SLC2A13: variants seen among roughly 807,000 people sequenced by gnomAD.
The protein encoded by SLC2A13 is solute carrier family 2 member 13, also known as proton myo-inositol cotransporter.
Under a neutral mutation model 64.4 loss-of-function variants are expected in SLC2A13, and 32 were observed. The observed-to-expected ratio is 0.50, with a 90% CI of 0.37 to 0.67. SLC2A13 has a LOEUF of 0.67. SLC2A13 is among the 30% of genes least tolerant of loss of function. SLC2A13 has a pLI of 0.00. For missense variants in SLC2A13, 743 were observed against 829.2 expected (o/e 0.90, Z 1.28); for synonymous variants, 338 against 327.1 (o/e 1.03, Z -0.36).
At chr12:39,783,086 G>A (rs564918046) in intron 7 of SLC2A13, among the ~76,000 whole-genome samples, 2 of 152,110 alleles carry the variant, frequency 1.3e-5, no homozygotes, top group African/African-American at 4.8e-5. Flanking sequence ...TGTTCTCATC[G>A]TTCAAGTCCC....
intron 7 of SLC2A13, among the ~76,000 whole-genome samples, chr12:39,782,050 G>C (rs983578332): frequency 6.6e-6 from 1 of 152,172 alleles, no homozygotes; most frequent in African/African-American, 2.4e-5. Context: ...GTACTTGGTG[G>C]GGTCGAGGTA....
chr12:39,797,991 T>C (rs1298217718), intron 7 of SLC2A13, among the ~76,000 whole-genome samples: 1 of 152,190 alleles, frequency 6.6e-6, no homozygotes, highest in African/African-American at 2.4e-5. Context: ...GTGTAACCAA[T>C]TTGATATTAT....
chr12:39,841,435 C>T (rs1342150164), intron 6 of SLC2A13, among the ~76,000 whole-genome samples: 1 of 152,058 alleles, frequency 6.6e-6, no homozygotes, highest in Non-Finnish European at 1.5e-5. Flanking sequence ...TTTGCCAAAT[C>T]TGTCAACTCC....
intron 1 of SLC2A13, among the ~76,000 whole-genome samples, chr12:40,089,116 TGAAA>T (rs1938681740): frequency 6.6e-6 from 1 of 152,190 alleles, no homozygotes; most frequent in Non-Finnish European, 1.5e-5. Context: ...AATGAATCAC[TGAAA>T]GAGTCAGGAG....
At chr12:40,059,916 G>A (rs1948390849) in intron 1 of SLC2A13, among the ~76,000 whole-genome samples, 1 of 152,088 alleles carries the variant, frequency 6.6e-6, no homozygotes, top group Non-Finnish European at 1.5e-5. Context: ...TCCTGTCTTG[G>A]ACAGTGAAAG....
At chr12:40,076,383 TCTTA>T (rs1302961969) in intron 1 of SLC2A13, among the ~76,000 whole-genome samples, 1 of 152,172 alleles carries the variant, frequency 6.6e-6, no homozygotes, top group Non-Finnish European at 1.5e-5. Flanking sequence ...AGTGTTTAGC[TCTTA>T]CTTATAAGTG....
At chr12:39,994,825 A>G (rs1007736113) in intron 3 of SLC2A13, among the ~76,000 whole-genome samples, 1 of 152,240 alleles carries the variant, frequency 6.6e-6, no homozygotes, top group Non-Finnish European at 1.5e-5. Context: ...TGAGAGGATG[A>G]GATAGTGCAT....
rs368402353 is a variant in SLC2A13, at chr12:39,981,424, G to A, written c.926-30059C>T. On this transcript the variant is annotated intron_variant, in intron 3 of 9. Transcript: ENST00000280871. ...AAAGGATCAACAAAATTGATAGACCGCTAGCAAGACTAATAAAGAAAAAAA... is the reference window on the plus strand; with the variant it reads ...AAAGGATCAACAAAATTGATAGACCACTAGCAAGACTAATAAAGAAAAAAA... Among the ~76,000 whole-genome samples, 7 of 151,618 alleles carry A rather than the reference G, an allele frequency of 4.6e-5. No homozygotes were observed. In the East Asian group the frequency reaches 5.8e-4, roughly 13 times the overall value.
intron 1 of SLC2A13, among the ~76,000 whole-genome samples, chr12:40,103,150 T>C (rs1939200444): frequency 6.6e-6 from 1 of 152,194 alleles, no homozygotes; most frequent in South Asian, 2.1e-4. Flanking sequence ...CAGAGAGGCC[T>C]CCACAGCTCT....
chr12:39,785,675 C>T (rs1368183166), intron 7 of SLC2A13, among the ~76,000 whole-genome samples: 2 of 152,178 alleles, frequency 1.3e-5, no homozygotes, highest in Non-Finnish European at 2.9e-5. Flanking sequence ...ACACTCAACG[C>T]CAGCCCGTGA....
Position 39,807,112 on chromosome 12 carries a change from G to A in SLC2A13, c.1445+22991C>T, listed in dbSNP as rs375409407. Among the ~76,000 whole-genome samples the A allele has an allele frequency of 1.3e-3, 196 of 148,798 alleles. 2 individuals carry two copies. The highest frequency in any genetic ancestry group is 4.7e-3 in the African/African-American group (180 of 38,302). On this transcript the variant is annotated intron_variant, in intron 7 of 9. Transcript: ENST00000280871. ...TGCAACACATTAGGTTGGTGGAAAAGTAATTACAGTTTTCGCCACTGAAAG... is the reference window on the plus strand; with the variant it reads ...TGCAACACATTAGGTTGGTGGAAAAATAATTACAGTTTTCGCCACTGAAAG...
intron 1 of SLC2A13, among the ~76,000 whole-genome samples, chr12:40,052,097 T>C (rs990288279): frequency 5.7e-4 from 86 of 152,070 alleles, no homozygotes; most frequent in East Asian, 5.8e-4. Context: ...AAAAAGCAAC[T>C]AGGAGCATGA....
chr12:40,039,859 G>A (rs917419297), intron 2 of SLC2A13, among the ~76,000 whole-genome samples: 1 of 152,114 alleles, frequency 6.6e-6, no homozygotes, highest in South Asian at 2.1e-4. Flanking sequence ...TTCACTCTTG[G>A]TGCTATATAG....
chr12:39,873,165 C>G (rs1944098479), intron 4 of SLC2A13, among the ~76,000 whole-genome samples: 1 of 152,004 alleles, frequency 6.6e-6, no homozygotes, highest in Non-Finnish European at 1.5e-5. Flanking sequence ...AATTAATAAA[C>G]CAAACCTATA....
intron 4 of SLC2A13, among the ~76,000 whole-genome samples, chr12:39,911,337 CTATTTTAAGTT>C (rs1387088831): frequency 2.0e-5 from 3 of 152,032 alleles, no homozygotes; most frequent in Non-Finnish European, 4.4e-5. Flanking sequence ...TCACTTAAGA[CTATTTTAAGTT>C]CAACTATTTT....
chr12:39,896,542 A>G lies in SLC2A13; in HGVS notation c.1035-24581T>C, dbSNP rs530695328. Reference sequence around the variant, plus strand: ...TATACATGTATACATGTATGTATGTATGTGTGTATACATGTATACATATAT... The same window carrying G: ...TATACATGTATACATGTATGTATGTGTGTGTGTATACATGTATACATATAT... On this transcript the variant is annotated intron_variant, in intron 4 of 9. Transcript: ENST00000280871. 4.3e-4 allele frequency among the ~76,000 whole-genome samples: 62 copies of G among 142,688 alleles called. 1 individual carries two copies. Among genetic ancestry groups the G allele is most frequent in the East Asian group, 2.1e-3 (10 of 4,672 alleles). The allele number at this position is 142,688 out of a possible 152,430, so 93.6% of individuals were successfully genotyped here.
At chr12:39,970,115 T>C (rs1035637665) in intron 3 of SLC2A13, among the ~76,000 whole-genome samples, 1 of 152,200 alleles carries the variant, frequency 6.6e-6, no homozygotes, top group Non-Finnish European at 1.5e-5. Context: ...GTTGTAGATG[T>C]GTGGTATTAT....
intron 4 of SLC2A13, among the ~76,000 whole-genome samples, chr12:39,910,791 G>A (rs1443891460): frequency 6.6e-6 from 1 of 152,024 alleles, no homozygotes; most frequent in East Asian, 1.9e-4. Context: ...TTAAATTTTA[G>A]TCAGAAATGT....
chr12:39,930,080 G>C (rs1945797621), intron 4 of SLC2A13, among the ~76,000 whole-genome samples: 1 of 150,714 alleles, frequency 6.6e-6, no homozygotes, highest in African/African-American at 2.4e-5. Flanking sequence ...GCAGTGTGTG[G>C]AGATTGCACA....
Sources: gnomAD v4.1 joint callset for allele counts (sites outside exome capture counted in the v4.1 genomes callset) on GRCh38, gnomAD v4.1.1 for gene constraint, MANE v1.5 for transcripts, NCBI Gene and HGNC (gene_info 2026-07-23, HGNC 2026-07-21) for gene names.